Variants in SLC25A48 observed in about 807,000 individuals in gnomAD.
SLC25A48 encodes the protein CTC-321K16.1.
In SLC25A48, 29 loss-of-function variants were observed where a neutral mutation model predicts 32.2. The observed-to-expected ratio is 0.90, with a 90% confidence interval of 0.67 to 1.23. SLC25A48 has a LOEUF of 1.23. Ranked by LOEUF, SLC25A48 falls within the 50% of genes most tolerant of loss-of-function variation. The pLI is 0.00. For synonymous variants in SLC25A48, 164 were observed against 172.3 expected, an observed-to-expected ratio of 0.95 and a Z score of 0.38; for missense variants, 399 against 422.7, an observed-to-expected ratio of 0.94 and a Z score of 0.49.
chr5:135,736,530 C>A (rs1755364438), intron 3 of SLC25A48, among the ~76,000 whole-genome samples: 1 of 151,726 alleles, frequency 6.6e-6, no homozygotes, highest in African/African-American at 2.4e-5. Context: ...AGAGTGGAGA[C>A]ATGGAGAGAA....
chr5:135,851,926 C>T (rs1759902755), intron 3 of SLC25A48, among the ~76,000 whole-genome samples: 1 of 152,164 alleles, frequency 6.6e-6, no homozygotes, highest in African/African-American at 2.4e-5. Context: ...CCCCTTCAGC[C>T]ACTTCTGTCA....
intron 3 of SLC25A48, among the ~76,000 whole-genome samples, chr5:135,778,169 A>AG (rs943383028): frequency 2.2e-4 from 33 of 151,678 alleles, no homozygotes; most frequent in Admixed American, 1.2e-3. Flanking sequence ...TCTAATATTA[A>AG]GGGGGGGAGA....
intron 3 of SLC25A48, among the ~76,000 whole-genome samples, chr5:135,669,472 C>G (rs972149324): frequency 5.3e-5 from 8 of 152,130 alleles, no homozygotes; most frequent in African/African-American, 1.9e-4. Context: ...AGCAGAAATA[C>G]ATAATCTAGC....
intron 7 of SLC25A48, chr5:135,883,195 A>G (rs1762595537): frequency 1.0e-6 from 1 of 985,328 alleles, no homozygotes; most frequent in Non-Finnish European, 1.2e-6. Flanking sequence ...TCCTTCCTTC[A>G]CAATTACAAG....
At chr5:135,834,378 A>G (rs367690571), upstream of SLC25A48, among the ~76,000 whole-genome samples, 2 of 152,218 alleles carry the variant, frequency 1.3e-5, no homozygotes, top group African/African-American at 2.4e-5. Context: ...GGGATGGGAG[A>G]GAGTCCACAG....
intron 3 of SLC25A48, among the ~76,000 whole-genome samples, chr5:135,722,751 C>T (rs141384238): frequency 2.0e-5 from 3 of 152,350 alleles, no homozygotes; most frequent in Non-Finnish European, 4.4e-5. Flanking sequence ...GCAGCAATGA[C>T]CTCATCATTG....
intron 3 of SLC25A48, among the ~76,000 whole-genome samples, chr5:135,795,067 G>T (rs1161959382): frequency 6.6e-6 from 1 of 151,768 alleles, no homozygotes; most frequent in Non-Finnish European, 1.5e-5. Flanking sequence ...ATCTCCAGGA[G>T]AGAAGAGGAT....
chr5:135,627,151 GCT>G (rs753301458), intron 1 of SLC25A48, among the ~76,000 whole-genome samples: 16 of 152,190 alleles, frequency 1.1e-4, no homozygotes, highest in Middle Eastern at 3.2e-3. Flanking sequence ...GTCAGGCCCT[GCT>G]CTCTCTGCCC....
chr5:135,722,363 C>A (rs1754977605), intron 3 of SLC25A48, among the ~76,000 whole-genome samples: 1 of 152,194 alleles, frequency 6.6e-6, no homozygotes, highest in Non-Finnish European at 1.5e-5. Flanking sequence ...GCACTTTGGG[C>A]AAACTTCTAG....
chr5:135,603,347 G>A (rs1274459362), intron 1 of SLC25A48, among the ~76,000 whole-genome samples: 1 of 152,242 alleles, frequency 6.6e-6, no homozygotes, highest in Non-Finnish European at 1.5e-5. Context: ...TTCTGAAGAC[G>A]CTTTCATGAG....
At chr5:135,887,151 C>A (rs11742478) in intron 7 of SLC25A48, among the ~76,000 whole-genome samples, 10,681 of 152,130 alleles carry the variant, frequency 0.07, 425 homozygotes, top group South Asian at 0.089. Context: ...GACATTTTAA[C>A]ATAAATAACA....
In SLC25A48 at chr5:135,617,988, G is replaced by A. The variant is rs143478622; in HGVS notation, c.-848-11249G>A. Among the ~76,000 whole-genome samples, 150 of 152,056 alleles carry A rather than the reference G, an allele frequency of 9.9e-4. 1 individual carries two copies. Among genetic ancestry groups the A allele is most frequent in the African/African-American group, 3.4e-3 (141 of 41,452 alleles). On this transcript the variant is annotated intron_variant, in intron 1 of 10. Coordinates refer to the SLC25A48 transcript ENST00000646290. ...TGTTTCTTTGCTAGTTTTCTGTCTA[G>A]ATGATGTGTTTAATGCTTAGAGTGG...
At chr5:135,725,960 A>G (rs1476099628) in intron 3 of SLC25A48, among the ~76,000 whole-genome samples, 3 of 152,200 alleles carry the variant, frequency 2.0e-5, no homozygotes, top group African/African-American at 7.2e-5. Context: ...CACACCATTA[A>G]TGCCAGGGGA....
chr5:135,728,888 A>G (rs1372625760), intron 3 of SLC25A48, among the ~76,000 whole-genome samples: 1 of 151,270 alleles, frequency 6.6e-6, no homozygotes, highest in Non-Finnish European at 1.5e-5. Flanking sequence ...ACACACATAC[A>G]CACACACCCC....
intron 3 of SLC25A48, among the ~76,000 whole-genome samples, chr5:135,808,843 C>T (rs1039856054): frequency 2.0e-5 from 3 of 152,168 alleles, no homozygotes; most frequent in Non-Finnish European, 4.4e-5. Flanking sequence ...GGCCATTGAA[C>T]ATCATACTCT....
intron 1 of SLC25A48, among the ~76,000 whole-genome samples, chr5:135,601,993 C>G (rs781402257): frequency 7.9e-5 from 12 of 152,176 alleles, no homozygotes; most frequent in Non-Finnish European, 1.5e-4. Context: ...TTGTACAGTG[C>G]CTGCCACTTA....
intron 3 of SLC25A48, among the ~76,000 whole-genome samples, chr5:135,646,312 C>T (rs2126920847): frequency 6.6e-6 from 1 of 152,140 alleles, no homozygotes; most frequent in African/African-American, 2.4e-5. Flanking sequence ...TTTCAGGAGC[C>T]TTATGGCAGA....
chr5:135,704,370 T>C (rs1025302307), intron 3 of SLC25A48, among the ~76,000 whole-genome samples: 3 of 152,232 alleles, frequency 2.0e-5, no homozygotes, highest in Non-Finnish European at 4.4e-5. Flanking sequence ...ATCTTTCTTA[T>C]GCATCAGCAG....
intron 3 of SLC25A48, among the ~76,000 whole-genome samples, chr5:135,703,544 A>C (rs1277131605): frequency 2.6e-5 from 4 of 152,108 alleles, no homozygotes; most frequent in Non-Finnish European, 5.9e-5. Context: ...CCTACCACCC[A>C]CAGTTTTCCC....
Sources: allele counts gnomAD v4.1 joint callset (sites outside exome capture counted in the v4.1 genomes callset), GRCh38; gene constraint gnomAD v4.1.1; transcripts MANE v1.5; gene names NCBI Gene and HGNC (gene_info 2026-07-23, HGNC 2026-07-21).